Variants in RNF185 observed in about 807,000 individuals in gnomAD.
RNF185 encodes the protein ring finger protein 185, also known as E3 ubiquitin-protein ligase RNF185.
Under a neutral mutation model 24.9 loss-of-function variants are expected in RNF185, and 13 were observed. The ratio of observed to expected loss-of-function variants is 0.52; its 90% CI spans 0.34 to 0.83. The LOEUF (loss-of-function observed/expected upper bound fraction) is 0.83, where lower values mean the gene tolerates loss of function less well. Among genes scored for constraint, RNF185 ranks in the 40% least tolerant of loss-of-function variants. The pLI is 0.01. For synonymous variants in RNF185, 79 were observed against 90.3 expected (o/e 0.88, Z 0.71); for missense variants, 184 against 244.7 (o/e 0.75, Z 1.65).
At chr22:31,200,055 A>G (rs1048651416) in intron 5 of RNF185, among the ~76,000 whole-genome samples, 1 of 152,180 alleles carries the variant, frequency 6.6e-6, no homozygotes, top group Non-Finnish European at 1.5e-5. Flanking sequence ...AAAGATGCGC[A>G]CAGTAATTAA....
intron 1 of RNF185, among the ~76,000 whole-genome samples, chr22:31,167,141 G>T (rs1191146937): frequency 2.0e-5 from 3 of 152,098 alleles, no homozygotes; most frequent in Non-Finnish European, 4.4e-5. Context: ...GTGGTAAGAT[G>T]TACATAACAA....
chr22:31,173,548 TA>T (rs1456106896), intron 1 of RNF185, among the ~76,000 whole-genome samples: 2 of 152,116 alleles, frequency 1.3e-5, no homozygotes, highest in Non-Finnish European at 2.9e-5. Context: ...ATCACTGAGT[TA>T]CCATTTGTTA....
intron 1 of RNF185, among the ~76,000 whole-genome samples, chr22:31,184,869 T>C (rs370565463): frequency 7.2e-6 from 1 of 138,700 alleles, no homozygotes; most frequent in Non-Finnish European, 1.5e-5. Context: ...GCGGCAGTAC[T>C]GTCCAGCCTC....
chr22:31,201,478 A>G lies in RNF185; in HGVS notation c.364-20A>G, dbSNP rs562364086. 32 of 1,579,126 alleles carry G rather than the reference A, an allele frequency of 2.0e-5. No homozygotes were observed. In the South Asian group the frequency reaches 3.3e-4, roughly 16 times the overall value. On this transcript the variant is annotated intron_variant, in intron 5 of 6. Coordinates refer to ENST00000326132, the MANE Select transcript of RNF185 (RefSeq NM_152267.4). ...AACCTGCCTGATTCTCCTGCCCTTA[A>G]TTGCCTTTCTTCCACACAGGGATTT...
intron 1 of RNF185, among the ~76,000 whole-genome samples, chr22:31,172,802 C>T (rs1956265238): frequency 6.9e-6 from 1 of 145,256 alleles, no homozygotes; most frequent in South Asian, 2.2e-4. Context: ...TTTCTCATGA[C>T]AAAGGGATGG....
At chr22:31,193,029 C>G (rs2048170418) in intron 3 of RNF185, among the ~76,000 whole-genome samples, 1 of 152,140 alleles carries the variant, frequency 6.6e-6, no homozygotes, top group Non-Finnish European at 1.5e-5. Context: ...TCAACAGTCC[C>G]CCAGCCCTTA....
intron 1 of RNF185, among the ~76,000 whole-genome samples, chr22:31,185,154 C>T (rs538735263): frequency 3.0e-4 from 46 of 151,996 alleles, no homozygotes; most frequent in Admixed American, 2.8e-3. Context: ...GTCTTGGAGC[C>T]GAGGCCAGCG....
intron 1 of RNF185, among the ~76,000 whole-genome samples, chr22:31,174,790 CTGGGTG>C (rs1350892704): frequency 6.6e-6 from 1 of 151,228 alleles, no homozygotes; most frequent in Non-Finnish European, 1.5e-5. Flanking sequence ...ATGGAAGAGG[CTGGGTG>C]TGGTGGCTCA....
intron 6 of RNF185, among the ~76,000 whole-genome samples, 182 bp from the exon 7 acceptor site, chr22:31,204,307 C>T (rs1214743143): frequency 6.6e-6 from 1 of 151,172 alleles, no homozygotes; most frequent in African/African-American, 2.4e-5. Flanking sequence ...CGTGCCACTG[C>T]ACTCTAGCCT....
At chr22:31,195,324 T>C (rs536326448) in intron 3 of RNF185, 145 bp from the exon 4 acceptor site, 6 of 572,256 alleles carry the variant, frequency 1.0e-5, no homozygotes, top group Non-Finnish European at 1.9e-5. Flanking sequence ...GGAGAAGGAA[T>C]GGGAGTCAGG....
At chr22:31,175,994 C>T (rs2047978405) in intron 1 of RNF185, among the ~76,000 whole-genome samples, 1 of 152,144 alleles carries the variant, frequency 6.6e-6, no homozygotes, top group Non-Finnish European at 1.5e-5. Context: ...AACTCCTGGC[C>T]TCAACCAATC....
intron 1 of RNF185, chr22:31,182,908 TTTATTA>T (rs56373705): frequency 2.6e-4 from 37 of 143,052 alleles, no homozygotes; most frequent in South Asian, 4.5e-4. Context: ...ATTTATTTTA[TTTATTA>T]TTATTATTAT....
intron 5 of RNF185, among the ~76,000 whole-genome samples, chr22:31,197,666 G>C (rs531777918): frequency 6.6e-6 from 1 of 152,298 alleles, no homozygotes; most frequent in Non-Finnish European, 1.5e-5. Context: ...GTCTACCTCA[G>C]CCTCCCATGT....
chr22:31,173,848 T>TTGG (rs2047955905), intron 1 of RNF185, among the ~76,000 whole-genome samples: 2 of 152,220 alleles, frequency 1.3e-5, no homozygotes, highest in Admixed American at 6.5e-5. Flanking sequence ...TAATTTTAGA[T>TTGG]TTCCTCTCAG....
intron 1 of RNF185, among the ~76,000 whole-genome samples, chr22:31,174,710 G>A (rs572112820): frequency 1.3e-5 from 2 of 151,690 alleles, no homozygotes; most frequent in South Asian, 4.2e-4. Context: ...ATGAAACATG[G>A]TAATTTTTCA....
At chr22:31,185,668 T>C (rs1056688466) in intron 1 of RNF185, among the ~76,000 whole-genome samples, 1 of 152,188 alleles carries the variant, frequency 6.6e-6, no homozygotes, top group African/African-American at 2.4e-5. Context: ...CTGACTGTGG[T>C]AGCCAGCGAA....
intron 1 of RNF185, among the ~76,000 whole-genome samples, chr22:31,182,114 T>TA (rs1488584474): frequency 2.7e-5 from 4 of 147,208 alleles, no homozygotes; most frequent in South Asian, 2.2e-4. Context: ...AATTCCTTTT[T>TA]TTTTTTTTTT....
rs1254630126 is a variant in RNF185, at chr22:31,205,976, C to T, written c.*1390C>T. 6.5e-6 allele frequency: 1 copy of T among 154,414 alleles called. No homozygotes were observed. The highest frequency in any genetic ancestry group is 1.5e-5 in the Non-Finnish European group (1 of 68,234). 9.6% of individuals were successfully genotyped at this position (154,414 alleles called of 1,614,324 possible). On this transcript the variant is annotated 3_prime_UTR_variant, in exon 7 of 7. Coordinates refer to ENST00000326132, the MANE Select transcript of RNF185 (RefSeq NM_152267.4). The stretch of plus-strand genomic sequence containing the variant: ...AACAGTTCTTGCTCTGCCTTCTAGG[C>T]TTCATCCCAGAAATCCAGCCTCTTT...
Position 31,172,551 on chromosome 22 carries a change from C to A in RNF185, c.-49+12248C>A, listed in dbSNP as rs1296387977. The stretch of plus-strand genomic sequence containing the variant: ...ATCACCTGAGGTCAGGAGTTCAAGA[C>A]CAGCCTGGCCAACAAGGTGAAACTC... On this transcript the variant is annotated intron_variant, in intron 1 of 6. Coordinates refer to ENST00000326132, the MANE Select transcript of RNF185 (RefSeq NM_152267.4). Among the ~76,000 whole-genome samples the A allele has an allele frequency of 2.0e-5, 3 of 152,050 alleles. No individual in the cohort carries two copies. In the South Asian group the frequency reaches 6.2e-4, roughly 32 times the overall value.
Sources: gnomAD v4.1 joint callset for allele counts (sites outside exome capture counted in the v4.1 genomes callset) on GRCh38, gnomAD v4.1.1 for gene constraint, MANE v1.5 for transcripts, NCBI Gene and HGNC (gene_info 2026-07-23, HGNC 2026-07-21) for gene names.